DCC: variants seen among roughly 807,000 people sequenced by gnomAD.
DCC encodes the protein netrin receptor DCC.
A neutral mutation model predicts 172.5 loss-of-function variants in DCC; 58 were observed. That is an observed-to-expected ratio of 0.34 (90% confidence interval 0.27 to 0.42). The LOEUF (loss-of-function observed/expected upper bound fraction) is 0.42, where lower values mean the gene tolerates loss of function less well. DCC is among the 10% of genes least tolerant of loss of function. DCC has a pLI of 1.00. For missense variants in DCC, 1,740 were observed against 1,791.0 expected (o/e 0.97, Z 0.51); for synonymous variants, 709 against 644.5 (o/e 1.10, Z -1.52).
At chr18:53,162,019 C>T (rs745870252) in intron 8 of DCC, among the ~76,000 whole-genome samples, 6 of 152,064 alleles carry the variant, frequency 3.9e-5, no homozygotes, top group Non-Finnish European at 8.8e-5. Context: ...CAAAACATGG[C>T]CAGGCATGGT....
intron 1 of DCC, among the ~76,000 whole-genome samples, chr18:52,606,251 T>C (rs191290172): frequency 3.6e-4 from 55 of 152,196 alleles, no homozygotes; most frequent in Non-Finnish European, 1.2e-4. Context: ...TGCTACCATT[T>C]ACTATCTATG....
chr18:53,270,073 G>T (rs1018269257), intron 12 of DCC, among the ~76,000 whole-genome samples: 3 of 152,142 alleles, frequency 2.0e-5, no homozygotes, highest in Non-Finnish European at 4.4e-5. Context: ...ACACTAGTTG[G>T]AGGGACAGGT....
chr18:53,213,891 A>C (rs2055801419), intron 11 of DCC, among the ~76,000 whole-genome samples: 1 of 99,056 alleles, frequency 1.0e-5, no homozygotes, highest in Admixed American at 8.5e-5. Flanking sequence ...TTTATACTTT[A>C]ACTTAAAAAT....
Position 53,500,669 on chromosome 18 carries a change from T to C in DCC, c.4111+1159T>C, listed in dbSNP as rs998682217. Among the ~76,000 whole-genome samples, 5 of 151,820 alleles carry C rather than the reference T, an allele frequency of 3.3e-5. No individual in the cohort carries two copies. The South Asian group carries it at 1.0e-3, about 32-fold the overall frequency. ...TTCTCAACATTCACATGATGTGCAA[T>C]ATGGATACTCAGCTACACAGCCCCT... On this transcript the variant is annotated intron_variant, in intron 27 of 28. Coordinates refer to ENST00000442544, the MANE Select transcript of DCC (RefSeq NM_005215.4).
At chr18:52,639,186 C>T (rs1443408880) in intron 1 of DCC, among the ~76,000 whole-genome samples, 2 of 151,982 alleles carry the variant, frequency 1.3e-5, no homozygotes, top group Non-Finnish European at 2.9e-5. Flanking sequence ...TTCCATAGCC[C>T]TAAATACCTA....
chr18:53,424,802 A>G (rs888134948), intron 21 of DCC, among the ~76,000 whole-genome samples: 7 of 152,192 alleles, frequency 4.6e-5, no homozygotes, highest in Non-Finnish European at 8.8e-5. Context: ...TTTGCAGAGT[A>G]GTACCTTATG....
At chr18:53,452,570 C>A (rs1241317070) in intron 23 of DCC, among the ~76,000 whole-genome samples, 2 of 152,138 alleles carry the variant, frequency 1.3e-5, no homozygotes, top group African/African-American at 4.8e-5. Flanking sequence ...AGCACTTTGG[C>A]AAAAGCTTCA....
chr18:52,855,708 G>A (rs983687055), intron 2 of DCC, among the ~76,000 whole-genome samples: 6 of 151,190 alleles, frequency 4.0e-5, no homozygotes, highest in Admixed American at 1.3e-4. Flanking sequence ...TACATAATCT[G>A]CCCAAATGGT....
intron 5 of DCC, among the ~76,000 whole-genome samples, chr18:53,019,749 T>C (rs1278892986): frequency 6.6e-6 from 1 of 152,184 alleles, no homozygotes; most frequent in East Asian, 1.9e-4. Flanking sequence ...AATAAAGTTT[T>C]ATTGAATTAC....
chr18:53,272,925 A>G (rs927598047), intron 12 of DCC, among the ~76,000 whole-genome samples: 2 of 152,190 alleles, frequency 1.3e-5, no homozygotes, highest in African/African-American at 4.8e-5. Context: ...ATGAAAATAA[A>G]TAAACAGCTC....
In DCC at chr18:53,304,625, G is replaced by A. The variant is rs1450137611; in HGVS notation, c.1912-953G>A. Among the ~76,000 whole-genome samples the A allele has an allele frequency of 2.6e-5, 4 of 152,214 alleles. No individual in the cohort carries two copies. In the East Asian group the frequency reaches 5.8e-4, roughly 22 times the overall value. On this transcript the variant is annotated intron_variant, in intron 12 of 28. Transcript: ENST00000442544. ...ACACCTCCAAGGTCAGGGAGGGTTA[G>A]TAGCCTGGTTTTACTGGGTATAGGT... is the stretch of plus-strand genomic sequence containing the variant.
At chr18:53,108,280 A>T (rs539142977) in intron 7 of DCC, among the ~76,000 whole-genome samples, 1 of 151,826 alleles carries the variant, frequency 6.6e-6, no homozygotes, top group African/African-American at 2.4e-5. Context: ...CTCCTTCAAG[A>T]CCTTTCTAAT....
intron 1 of DCC, among the ~76,000 whole-genome samples, chr18:52,710,414 T>C (rs2036275540): frequency 6.6e-6 from 1 of 152,130 alleles, no homozygotes; most frequent in Admixed American, 6.5e-5. Context: ...AATGATGTAA[T>C]GTGATAGAAA....
intron 1 of DCC, among the ~76,000 whole-genome samples, chr18:52,356,126 T>C (rs937537518): frequency 6.6e-6 from 1 of 152,070 alleles, no homozygotes; most frequent in Non-Finnish European, 1.5e-5. Context: ...ATCTGAGAAG[T>C]AACTTTGGTG....
chr18:53,154,117 G>C (rs560981950), intron 7 of DCC, among the ~76,000 whole-genome samples: 23 of 152,302 alleles, frequency 1.5e-4, no homozygotes, highest in African/African-American at 5.1e-4. Flanking sequence ...CTCAACAAAT[G>C]ATGGAGAAGG....
intron 5 of DCC, among the ~76,000 whole-genome samples, chr18:52,991,191 G>A (rs899886346): frequency 3.9e-5 from 6 of 152,158 alleles, no homozygotes; most frequent in African/African-American, 1.4e-4. Context: ...TGTAGAACCT[G>A]TGGCATATAG....
intron 12 of DCC, among the ~76,000 whole-genome samples, chr18:53,259,831 G>A (rs1281389779): frequency 6.6e-6 from 1 of 152,126 alleles, no homozygotes; most frequent in Non-Finnish European, 1.5e-5. Flanking sequence ...CATTCTCCCT[G>A]TCACTTTCAG....
intron 1 of DCC, among the ~76,000 whole-genome samples, chr18:52,506,614 A>G (rs2031239272): frequency 6.6e-6 from 1 of 152,126 alleles, no homozygotes; most frequent in South Asian, 2.1e-4. Context: ...CTGAGTCACT[A>G]TGATTAATGT....
At chr18:52,392,535 T>A (rs1859649227) in intron 1 of DCC, among the ~76,000 whole-genome samples, 1 of 152,130 alleles carries the variant, frequency 6.6e-6, no homozygotes, top group Non-Finnish European at 1.5e-5. Flanking sequence ...TGCAAGTTGA[T>A]GGAAGAAGAA....
Sources: gnomAD v4.1 joint callset for allele counts (sites outside exome capture counted in the v4.1 genomes callset) on GRCh38, gnomAD v4.1.1 for gene constraint, MANE v1.5 for transcripts, NCBI Gene and HGNC (gene_info 2026-07-23, HGNC 2026-07-21) for gene names.